Variants in SMYD3 observed in about 807,000 individuals in gnomAD.
The protein encoded by SMYD3 is SET and MYND domain containing 3.
SMYD3 carries 36 observed loss-of-function variants against 57.7 expected under a neutral mutation model. That is an observed-to-expected ratio of 0.62 (90% confidence interval 0.48 to 0.82). The LOEUF is 0.82. Ranked by LOEUF, SMYD3 falls within the 40% of genes least tolerant of loss-of-function variation. The probability of loss-of-function intolerance (pLI) is 0.00; values close to 1 mark genes in which losing one functional copy is unlikely to be tolerated. For synonymous variants in SMYD3, 211 were observed against 195.0 expected, an observed-to-expected ratio of 1.08 and a Z score of -0.68; for missense variants, 515 against 538.8, an observed-to-expected ratio of 0.96 and a Z score of 0.44.
chr1:246,067,214 T>C (rs947296481), intron 5 of SMYD3, among the ~76,000 whole-genome samples: 1 of 152,216 alleles, frequency 6.6e-6, no homozygotes, highest in African/African-American at 2.4e-5. Flanking sequence ...AGCTAAAATA[T>C]ACCCAATTCT....
At chr1:246,400,498 G>A (rs76563203) in intron 1 of SMYD3, among the ~76,000 whole-genome samples, 3,538 of 152,262 alleles carry the variant, frequency 0.023, 145 homozygotes, top group African/African-American at 0.08. Flanking sequence ...AGCCTCCCAA[G>A]TAACTGGGAT....
chr1:246,202,985 C>T lies in SMYD3; in HGVS notation c.531+124216G>A, dbSNP rs12141086. Among the ~76,000 whole-genome samples, 3 of 151,914 alleles carry T rather than the reference C, an allele frequency of 2.0e-5. No homozygotes were observed. The highest frequency in any genetic ancestry group is 1.3e-4 in the Admixed American group (2 of 15,260). ...ACTAAAAATACAAAATTTAGCTGGT[C>T]GTGGTGGTGGGCGCCTATAATCCCA... On this transcript the variant is annotated intron_variant, in intron 5 of 11. Transcript: ENST00000490107. The surrounding 1 kb of genome is among the most constrained non-coding windows in gnomAD (Gnocchi z 4.1).
At chr1:246,147,045 C>T (rs1316636914) in intron 5 of SMYD3, among the ~76,000 whole-genome samples, 1 of 152,162 alleles carries the variant, frequency 6.6e-6, no homozygotes, top group Non-Finnish European at 1.5e-5. Flanking sequence ...TAGATTCCCC[C>T]TCGCTTCTTG....
chr1:245,793,459 C>A (rs1303137643), intron 10 of SMYD3, among the ~76,000 whole-genome samples: 1 of 152,158 alleles, frequency 6.6e-6, no homozygotes, highest in African/African-American at 2.4e-5. Context: ...GCCACTTCCT[C>A]CCTACTGCCA....
At chr1:245,944,441 TAAAG>T (rs1384279462) in intron 5 of SMYD3, among the ~76,000 whole-genome samples, 1 of 151,702 alleles carries the variant, frequency 6.6e-6, no homozygotes, top group East Asian at 1.9e-4. Flanking sequence ...ACAAGGAAAA[TAAAG>T]AATCTCTTCA....
rs2055432443 is a variant in SMYD3 at position 245,916,506 on chromosome 1, G to A, written c.703-866C>T. 2.0e-5 allele frequency among the ~76,000 whole-genome samples: 3 copies of A among 152,212 alleles called. No individual in the cohort carries two copies. In the South Asian group the frequency reaches 6.2e-4, roughly 32 times the overall value. Reference sequence around the variant, plus strand: ...GGCTAGAGCATTCTCACTCTCAGTTGACAGTAACTCATCTTTTGACTTATC... The same window carrying A: ...GGCTAGAGCATTCTCACTCTCAGTTAACAGTAACTCATCTTTTGACTTATC... On this transcript the variant is annotated intron_variant, in intron 7 of 11. Transcript: ENST00000490107.
Position 246,327,303 on chromosome 1 carries a change from G to A in SMYD3, c.429C>T (p.Gly143=), listed in dbSNP as rs1275296670. ...GAAATGTCATTACGAGTTGCCTGAG[G>A]CCCTCTTTCTTATCTTCAGTCAGTT... ...INKLTEDKKE[G]LRQLVMTFQH... is the part of the protein sequence containing the mutation. The change falls in exon 5 of 12, where the codon GGC becomes GGT. Residue 143 remains glycine (G), a synonymous_variant. Coordinates refer to ENST00000490107, the MANE Select transcript of SMYD3 (RefSeq NM_001167740.2). 4 of 1,613,390 alleles carry A rather than the reference G, an allele frequency of 2.5e-6. No individual in the cohort carries two copies. Among genetic ancestry groups the A allele is most frequent in the Non-Finnish European group, 3.4e-6 (4 of 1,179,720 alleles).
At chr1:246,186,961 A>G in intron 5 of SMYD3, 1 of 981,518 alleles carries the variant, frequency 1.0e-6, no homozygotes, top group South Asian at 4.7e-5. Context: ...ATGAAATGTA[A>G]AATGAGGAAA....
chr1:246,125,461 T>TC (rs1344540893), intron 5 of SMYD3, among the ~76,000 whole-genome samples: 3 of 152,160 alleles, frequency 2.0e-5, no homozygotes, highest in African/African-American at 7.2e-5. Flanking sequence ...ACTTGAGATT[T>TC]CTAGAAACCA....
intron 1 of SMYD3, among the ~76,000 whole-genome samples, chr1:246,427,176 T>G (rs886756723): frequency 1.3e-5 from 2 of 152,220 alleles, no homozygotes; most frequent in Non-Finnish European, 2.9e-5. Context: ...TAAGTTCCTC[T>G]GACATATTTC....
intron 5 of SMYD3, among the ~76,000 whole-genome samples, chr1:245,961,875 C>G (rs1422590409): frequency 2.0e-5 from 3 of 152,174 alleles, no homozygotes; most frequent in Admixed American, 6.5e-5. Context: ...TAACAGGGCC[C>G]AGAATACAGT....
intron 1 of SMYD3, among the ~76,000 whole-genome samples, chr1:246,361,715 T>A (rs58283744): frequency 1.3e-5 from 2 of 152,282 alleles, no homozygotes; most frequent in African/African-American, 4.8e-5. Context: ...AAACATCGTA[T>A]GTTCTCACTC....
intron 1 of SMYD3, among the ~76,000 whole-genome samples, chr1:246,375,482 A>G (rs1572435408): frequency 6.6e-6 from 1 of 152,064 alleles, no homozygotes; most frequent in East Asian, 1.9e-4. Flanking sequence ...TTAAGCCACT[A>G]CAGTGGAAGT....
At chr1:245,845,225 T>C (rs2050606770) in intron 10 of SMYD3, among the ~76,000 whole-genome samples, 2 of 152,188 alleles carry the variant, frequency 1.3e-5, no homozygotes, top group Admixed American at 1.3e-4. Flanking sequence ...CCACTGCGTA[T>C]TTCCCCAAAG....
At chr1:246,458,983 T>C (rs2067749991) in intron 1 of SMYD3, among the ~76,000 whole-genome samples, 2 of 152,204 alleles carry the variant, frequency 1.3e-5, no homozygotes, top group Non-Finnish European at 2.9e-5. Flanking sequence ...GATGTTGATA[T>C]GGTTCAGCTC....
intron 5 of SMYD3, among the ~76,000 whole-genome samples, chr1:246,074,913 TACACACACAC>T (rs60103366): frequency 4.6e-4 from 68 of 148,374 alleles, no homozygotes; most frequent in Non-Finnish European, 4.3e-4. Context: ...GCTAAAGCAA[TACACACACAC>T]ACACACACAC....
chr1:246,201,627 C>T (rs1260821667), intron 5 of SMYD3, among the ~76,000 whole-genome samples: 1 of 152,164 alleles, frequency 6.6e-6, no homozygotes, highest in Non-Finnish European at 1.5e-5. Flanking sequence ...ATCTCAGTTG[C>T]TCTAACTTAC....
intron 5 of SMYD3, among the ~76,000 whole-genome samples, chr1:246,234,735 C>T (rs1572254516): frequency 6.6e-6 from 1 of 152,140 alleles, no homozygotes; most frequent in Admixed American, 6.6e-5. Context: ...GCATAACAAA[C>T]CATGGTGCAC....
chr1:246,062,816 G>A (rs376386943), intron 5 of SMYD3, among the ~76,000 whole-genome samples: 1 of 152,012 alleles, frequency 6.6e-6, no homozygotes, highest in East Asian at 1.9e-4. Context: ...TAATTAATGA[G>A]CGAAGGTATG....
Sources: gnomAD v4.1 joint callset for allele counts (sites outside exome capture counted in the v4.1 genomes callset) on GRCh38, gnomAD v4.1.1 for gene constraint, Gnocchi (gnomAD v3.1) non-coding constraint, MANE v1.5 for transcripts, NCBI Gene and HGNC (gene_info 2026-07-23, HGNC 2026-07-21) for gene names.